Variants in GRM8 observed in about 807,000 individuals in gnomAD.
GRM8 encodes metabotropic glutamate receptor 8.
Under a neutral mutation model 87.2 loss-of-function variants are expected in GRM8, and 47 were observed. The ratio of observed to expected loss-of-function variants is 0.54; its 90% CI spans 0.43 to 0.69. The LOEUF is 0.69. Among genes scored for constraint, GRM8 ranks in the 30% least tolerant of loss-of-function variants. The pLI is 0.00. For synonymous variants in GRM8, 396 were observed against 404.5 expected, an observed-to-expected ratio of 0.98 and a Z score of 0.25; for missense variants, 1,019 against 1,139.2, an observed-to-expected ratio of 0.89 and a Z score of 1.52.
Position 126,515,734 on chromosome 7 carries a change from C to T in GRM8, c.2430+17218G>A, listed in dbSNP as rs142721950. Among the ~76,000 whole-genome samples, 24 of 152,204 alleles carry T rather than the reference C, an allele frequency of 1.6e-4. No individual in the cohort carries two copies. In the East Asian group the frequency reaches 4.1e-3, roughly 26 times the overall value. Reference sequence around the variant, plus strand: ...ATGACAAGTTGAGTCTTTCTCAGGTCGCACTACTGACTCTTCTGCCTCCCT... The same window carrying T: ...ATGACAAGTTGAGTCTTTCTCAGGTTGCACTACTGACTCTTCTGCCTCCCT... On this transcript the variant is annotated intron_variant, in intron 9 of 10. Transcript: ENST00000339582.
At chr7:126,765,504 G>C (rs1219818159) in intron 7 of GRM8, among the ~76,000 whole-genome samples, 1 of 152,012 alleles carries the variant, frequency 6.6e-6, no homozygotes, top group Non-Finnish European at 1.5e-5. Flanking sequence ...AGGGAGTAGG[G>C]AGGTAGCTCT....
At chr7:127,106,964 G>A (rs1226045204) in intron 2 of GRM8, among the ~76,000 whole-genome samples, 1 of 152,318 alleles carries the variant, frequency 6.6e-6, no homozygotes, top group South Asian at 2.1e-4. Context: ...ATTGTTTCTG[G>A]AGCCAAAGCA....
intron 2 of GRM8, among the ~76,000 whole-genome samples, chr7:127,212,096 C>T (rs1419852825): frequency 3.3e-5 from 5 of 152,084 alleles, no homozygotes; most frequent in African/African-American, 2.4e-5. Context: ...ATTTTTGGAC[C>T]GGCAGAGCCA....
chr7:126,887,203 A>G (rs2131046971), intron 6 of GRM8, among the ~76,000 whole-genome samples: 1 of 152,258 alleles, frequency 6.6e-6, no homozygotes, highest in Admixed American at 6.5e-5. Context: ...TAGGAAAGGA[A>G]ACGTGTAGCT....
intron 2 of GRM8, among the ~76,000 whole-genome samples, chr7:127,205,106 C>T (rs1040152863): frequency 6.6e-6 from 1 of 152,148 alleles, no homozygotes; most frequent in Non-Finnish European, 1.5e-5. Context: ...GAAAATCCAG[C>T]CAATTCTATT....
chr7:127,128,624 A>T (rs1587093314), intron 2 of GRM8, among the ~76,000 whole-genome samples: 1 of 152,206 alleles, frequency 6.6e-6, no homozygotes, highest in East Asian at 1.9e-4. Flanking sequence ...TATCTTATAA[A>T]GCAGATATCA....
At chr7:127,118,481 T>C (rs1434674356) in intron 2 of GRM8, among the ~76,000 whole-genome samples, 2 of 152,250 alleles carry the variant, frequency 1.3e-5, no homozygotes, top group South Asian at 2.1e-4. Context: ...TACTGCTCTC[T>C]ATAAGCCTTC....
At chr7:126,508,620 T>C (rs1584875973) in intron 9 of GRM8, among the ~76,000 whole-genome samples, 1 of 152,144 alleles carries the variant, frequency 6.6e-6, no homozygotes, top group African/African-American at 2.4e-5. Context: ...TTCAGTAATA[T>C]TTAGAGAAAA....
chr7:126,440,776 A>G (rs1004997393), intron 10 of GRM8, among the ~76,000 whole-genome samples: 17 of 152,174 alleles, frequency 1.1e-4, no homozygotes, highest in African/African-American at 4.1e-4. Flanking sequence ...TGTTTGCGCA[A>G]AGACAAAATT....
At chr7:126,835,700 G>A (rs923646182) in intron 6 of GRM8, among the ~76,000 whole-genome samples, 1 of 152,166 alleles carries the variant, frequency 6.6e-6, no homozygotes, top group Non-Finnish European at 1.5e-5. Flanking sequence ...GCCTCAGAAT[G>A]CCATTTGGCA....
chr7:126,998,450 T>G (rs895263759), intron 3 of GRM8, among the ~76,000 whole-genome samples: 1 of 151,682 alleles, frequency 6.6e-6, no homozygotes, highest in African/African-American at 2.4e-5. Flanking sequence ...AAGAAATACA[T>G]GGTGTCCAAA....
intron 10 of GRM8, among the ~76,000 whole-genome samples, chr7:126,440,519 G>A (rs1801349014): frequency 6.6e-6 from 1 of 150,948 alleles, no homozygotes; most frequent in South Asian, 2.1e-4. Flanking sequence ...AGTCCTACAA[G>A]CTCCATTCAT....
rs1020012387 is a variant in GRM8, at chr7:126,495,048, T to A, written c.2430+37904A>T. Among the ~76,000 whole-genome samples the A allele has an allele frequency of 2.0e-5, 3 of 152,088 alleles. No homozygotes were observed. In the South Asian group the frequency reaches 6.2e-4, roughly 31 times the overall value. On this transcript the variant is annotated intron_variant, in intron 9 of 10. Coordinates refer to ENST00000339582, the MANE Select transcript of GRM8 (RefSeq NM_000845.3). Reference sequence around the variant, plus strand: ...TAAAATGCAACCCTTACATATTAAATAACTGTTTAATCTTTCAAGTGGATA... The same window carrying A: ...TAAAATGCAACCCTTACATATTAAAAAACTGTTTAATCTTTCAAGTGGATA...
intron 3 of GRM8, among the ~76,000 whole-genome samples, chr7:127,007,177 A>C (rs3808129): frequency 0.063 from 9,597 of 152,044 alleles, 335 homozygotes; most frequent in South Asian, 0.13. Context: ...AATCTCAGAA[A>C]TATTTATATA....
chr7:126,926,849 T>C (rs1805183645), intron 3 of GRM8, among the ~76,000 whole-genome samples: 1 of 152,344 alleles, frequency 6.6e-6, no homozygotes, highest in African/African-American at 2.4e-5. Flanking sequence ...TGGACATTCA[T>C]AACCTCATTC....
At chr7:127,200,511 T>C (rs1018556811) in intron 2 of GRM8, among the ~76,000 whole-genome samples, 14 of 152,196 alleles carry the variant, frequency 9.2e-5, no homozygotes, top group Non-Finnish European at 1.3e-4. Context: ...ATGAAGGACC[T>C]TCTTGGGTGG....
At chr7:126,932,391 T>G (rs1166758976) in intron 3 of GRM8, among the ~76,000 whole-genome samples, 1 of 152,174 alleles carries the variant, frequency 6.6e-6, no homozygotes, top group African/African-American at 2.4e-5. Context: ...GCTGACAAAC[T>G]AAATTCAAGG....
intron 3 of GRM8, among the ~76,000 whole-genome samples, chr7:126,985,186 C>G (rs961839547): frequency 6.6e-6 from 1 of 152,114 alleles, no homozygotes; most frequent in South Asian, 2.1e-4. Context: ...TTCCTTGTCA[C>G]GTGCATGAAG....
chr7:126,635,365 T>C (rs892381281), intron 7 of GRM8, among the ~76,000 whole-genome samples: 58 of 152,290 alleles, frequency 3.8e-4, no homozygotes, highest in Middle Eastern at 3.4e-3. Flanking sequence ...TTTCCCACTA[T>C]ATTTGGCTAA....
Sources: gnomAD v4.1 joint callset for allele counts (sites outside exome capture counted in the v4.1 genomes callset) on GRCh38, gnomAD v4.1.1 for gene constraint, MANE v1.5 for transcripts, NCBI Gene and HGNC (gene_info 2026-07-23, HGNC 2026-07-21) for gene names.